PHF12: variants seen among roughly 807,000 people sequenced by gnomAD.
The protein encoded by PHF12 is PHD finger protein 12.
PHF12 carries 6 observed loss-of-function variants against 99.8 expected under a neutral mutation model. The ratio of observed to expected loss-of-function variants is 0.06; its 90% CI spans 0.03 to 0.12. The LOEUF is 0.12. Ranked by LOEUF, PHF12 falls within the 10% of genes least tolerant of loss-of-function variation. The probability of loss-of-function intolerance (pLI) is 1.00; values close to 1 mark genes in which losing one functional copy is unlikely to be tolerated. For synonymous variants in PHF12, 480 were observed against 514.9 expected, an observed-to-expected ratio of 0.93 and a Z score of 0.92; for missense variants, 954 against 1,300.1, an observed-to-expected ratio of 0.73 and a Z score of 4.09.
intron 8 of PHF12, 120 bp downstream of exon 8, chr17:28,913,759 G>T (rs866260225): frequency 7.3e-7 from 1 of 1,362,098 alleles, no homozygotes. Context: ...AACTCTTGAG[G>T]GGTTAGGATG....
At chr17:28,919,026 C>A in intron 6 of PHF12, 117 bp downstream of exon 6, 2 of 1,316,474 alleles carry the variant, frequency 1.5e-6, no homozygotes, top group South Asian at 3.3e-5. Flanking sequence ...CTGCAGAAAC[C>A]AGTACCTATG....
In PHF12 at chr17:28,951,464, T is replaced by TAA; in HGVS notation, c.-505_-504insTT. The stretch of plus-strand genomic sequence containing the variant: ...GGCTGCCGCGCACTTGGCGCAAACT[T>TAA]ACCGCGAGCGCCCGCAAAGCCACCC... On this transcript the variant is annotated 5_prime_UTR_variant, in exon 1 of 15. Coordinates refer to ENST00000332830, the MANE Select transcript of PHF12 (RefSeq NM_001033561.2). The TAA allele has an allele frequency of 1.0e-6, 1 of 985,610 alleles. No homozygotes were observed. The highest frequency in any genetic ancestry group is 1.2e-6 in the Non-Finnish European group (1 of 830,048). 61.1% of individuals were successfully genotyped at this position (985,610 alleles called of 1,614,324 possible).
chr17:28,907,894 T>G (rs771576115), intron 12 of PHF12: 2 of 440,066 alleles, frequency 4.5e-6, no homozygotes, highest in South Asian at 4.5e-5. Flanking sequence ...TGATCTGCTT[T>G]AGAACATGTG....
chr17:28,933,712 GA>G (rs2040456513), intron 2 of PHF12, among the ~76,000 whole-genome samples: 1 of 152,064 alleles, frequency 6.6e-6, no homozygotes, highest in African/African-American at 2.4e-5. Flanking sequence ...GTACCACACT[GA>G]AAAATGAACG....
At chr17:28,919,437 T>G (rs1240144819) in intron 5 of PHF12, among the ~76,000 whole-genome samples, 162 bp from the exon 6 acceptor site, 1 of 152,192 alleles carries the variant, frequency 6.6e-6, no homozygotes. Context: ...CATTTATGAT[T>G]AGAAAGATGG....
At position 28,911,077 on chromosome 17, in the gene PHF12, G is replaced by A. The variant is rs996495895; in HGVS notation, c.2215+35C>T. 3.7e-6 allele frequency: 6 copies of A among 1,613,362 alleles called. No individual in the cohort carries two copies. The African/African-American group carries it at 8.0e-5, about 22-fold the overall frequency. On this transcript the variant is annotated intron_variant, in intron 10 of 14. Coordinates refer to ENST00000332830, the MANE Select transcript of PHF12 (RefSeq NM_001033561.2). Reference sequence around the variant, plus strand: ...GTATAGGAATAGCACCTTCAACATAGCAAACGGTGGAACAGCAGCAGCTCA... The same window carrying A: ...GTATAGGAATAGCACCTTCAACATAACAAACGGTGGAACAGCAGCAGCTCA...
chr17:28,951,070 A>C lies in PHF12; in HGVS notation c.-110T>G. The C allele has an allele frequency of 1.3e-6, 2 of 1,550,436 alleles. No homozygotes were observed. Among genetic ancestry groups the C allele is most frequent in the Non-Finnish European group, 1.7e-6 (2 of 1,148,150 alleles). On this transcript the variant is annotated 5_prime_UTR_variant, in exon 1 of 15. Coordinates refer to ENST00000332830, the MANE Select transcript of PHF12 (RefSeq NM_001033561.2). ...TGACCCCGGCCCCGCTTTTTTCCCAATACGGGTCCCGACTTCCTCGCCCTG... is the reference window on the plus strand; with the variant it reads ...TGACCCCGGCCCCGCTTTTTTCCCACTACGGGTCCCGACTTCCTCGCCCTG...
At chr17:28,925,737 C>G (rs907801673) in intron 3 of PHF12, 1 of 152,230 alleles carries the variant, frequency 6.6e-6, no homozygotes, top group African/African-American at 2.4e-5. Context: ...TCCGTTTCTT[C>G]CTTTCTAAAA....
intron 2 of PHF12, chr17:28,945,147 C>G (rs1445481785): frequency 6.6e-6 from 1 of 152,174 alleles, no homozygotes; most frequent in Non-Finnish European, 1.5e-5. Context: ...TGTGGTCCCA[C>G]TACTTGGGAG....
chr17:28,938,671 C>A (rs916882116), intron 2 of PHF12, among the ~76,000 whole-genome samples: 12 of 151,812 alleles, frequency 7.9e-5, no homozygotes, highest in Non-Finnish European at 1.6e-4. Flanking sequence ...GGGATTATAC[C>A]CCCCTACTTT....
chr17:28,934,472 A>C (rs2040469986), intron 2 of PHF12, among the ~76,000 whole-genome samples: 1 of 152,194 alleles, frequency 6.6e-6, no homozygotes. Flanking sequence ...AGAAGCAGGT[A>C]TATTTCTGCA....
intron 9 of PHF12, among the ~76,000 whole-genome samples, chr17:28,911,779 C>T (rs1343803004): frequency 6.6e-6 from 1 of 152,082 alleles, no homozygotes; most frequent in Non-Finnish European, 1.5e-5. Context: ...ACAGAGGGTT[C>T]CGGCAGCATC....
chr17:28,922,802 CA>C (rs2040189373), intron 4 of PHF12, among the ~76,000 whole-genome samples: 1 of 152,042 alleles, frequency 6.6e-6, no homozygotes, highest in African/African-American at 2.4e-5. Flanking sequence ...GCAAGAAGGC[CA>C]GGCGCAGTGG....
At chr17:28,920,560 A>T (rs571153578) in intron 5 of PHF12, among the ~76,000 whole-genome samples, 3 of 152,344 alleles carry the variant, frequency 2.0e-5, no homozygotes, top group Admixed American at 6.5e-5. Context: ...CTCTTGTTCT[A>T]GTGTGTAAAC....
At chr17:28,907,550 G>C in intron 13 of PHF12, 40 bp downstream of exon 13, 1 of 1,599,052 alleles carries the variant, frequency 6.3e-7, no homozygotes, top group Non-Finnish European at 8.6e-7. Context: ...AGAGGCCTCA[G>C]GTTGGGAAAG....
At position 28,951,301 on chromosome 17, in the gene PHF12, G is replaced by A; in HGVS notation, c.-341C>T. 1.8e-6 allele frequency: 2 copies of A among 1,113,606 alleles called. No homozygotes were observed. The highest frequency in any genetic ancestry group is 2.2e-6 in the Non-Finnish European group (2 of 908,878). The allele number at this position is 1,113,606 out of a possible 1,614,324, so 69.0% of individuals were successfully genotyped here. Reference sequence around the variant, plus strand: ...GGTCCGGCCGGGAAGGCTGGCGGGCGCTGCCATCCCGGGGCTGGGGGTATC... The same window carrying A: ...GGTCCGGCCGGGAAGGCTGGCGGGCACTGCCATCCCGGGGCTGGGGGTATC... On this transcript the variant is annotated 5_prime_UTR_variant, in exon 1 of 15. Transcript: ENST00000332830.
intron 8 of PHF12, 105 bp downstream of exon 8, chr17:28,913,770 AGGGT>A: frequency 7.0e-7 from 1 of 1,430,288 alleles, no homozygotes; most frequent in Non-Finnish European, 9.5e-7. Flanking sequence ...GGTTAGGATG[AGGGT>A]GGGTGGGGAC....
intron 8 of PHF12, 54 bp downstream of exon 8, chr17:28,913,825 G>A: frequency 2.6e-6 from 4 of 1,563,768 alleles, no homozygotes; most frequent in East Asian, 2.3e-5. Flanking sequence ...GATAACAGCT[G>A]TGGTGACACA....
chr17:28,948,368 CA>C (rs1191340768), intron 2 of PHF12, among the ~76,000 whole-genome samples: 1 of 152,192 alleles, frequency 6.6e-6, no homozygotes, highest in Non-Finnish European at 1.5e-5. Flanking sequence ...CTAAGAATAG[CA>C]AAAGAAATGT....
Sources: gnomAD v4.1 joint callset for allele counts (sites outside exome capture counted in the v4.1 genomes callset) on GRCh38, gnomAD v4.1.1 for gene constraint, MANE v1.5 for transcripts, NCBI Gene and HGNC (gene_info 2026-07-23, HGNC 2026-07-21) for gene names.